STK32A: variants seen among roughly 807,000 people sequenced by gnomAD.
STK32A encodes serine/threonine-protein kinase 32A.
A neutral mutation model predicts 53.2 loss-of-function variants in STK32A; 41 were observed. The ratio of observed to expected loss-of-function variants is 0.77; its 90% CI spans 0.60 to 1.00. The LOEUF is 1.00. STK32A is among the 50% of genes least tolerant of loss of function. STK32A has a pLI of 0.00. For synonymous variants in STK32A, 166 were observed against 162.8 expected (o/e 1.02, Z -0.15); for missense variants, 458 against 485.8 (o/e 0.94, Z 0.54).
At chr5:147,342,363 TA>T (rs1468620306) in intron 5 of STK32A, 1 of 152,484 alleles carries the variant, frequency 6.6e-6, no homozygotes, top group Non-Finnish European at 1.5e-5. Flanking sequence ...TATATGGGAT[TA>T]GGGGGGATTT....
chr5:147,306,869 C>T (rs1285607797), intron 4 of STK32A, among the ~76,000 whole-genome samples: 1 of 151,932 alleles, frequency 6.6e-6, no homozygotes, highest in African/African-American at 2.4e-5. Flanking sequence ...AGAAAAAGTA[C>T]ATATAACTAT....
chr5:147,329,741 AG>A (rs1754772519), intron 5 of STK32A, among the ~76,000 whole-genome samples: 1 of 152,222 alleles, frequency 6.6e-6, no homozygotes, highest in Non-Finnish European at 1.5e-5. Context: ...CTATATAAAA[AG>A]CTGTCTCCCC....
chr5:147,372,025 T>A (rs1313733186), intron 9 of STK32A, among the ~76,000 whole-genome samples: 1 of 152,150 alleles, frequency 6.6e-6, no homozygotes, highest in Non-Finnish European at 1.5e-5. Flanking sequence ...ATTTTCTTCT[T>A]AGCTTCATGA....
intron 4 of STK32A, among the ~76,000 whole-genome samples, chr5:147,292,228 T>C (rs533951623): frequency 2.0e-5 from 3 of 152,204 alleles, no homozygotes; most frequent in African/African-American, 4.8e-5. Flanking sequence ...CTTCAATTCA[T>C]CAAAGCAGTT....
chr5:147,281,890 T>C (rs184725894), intron 4 of STK32A, among the ~76,000 whole-genome samples: 336 of 152,248 alleles, frequency 2.2e-3, no homozygotes, highest in Non-Finnish European at 3.7e-3. Context: ...GGAAAACCTA[T>C]TAGATTAACA....
chr5:147,240,380 CCCAGGTAGTAAGTTGTCCAGACCTCTG>C (rs1271610227), intron 2 of STK32A, among the ~76,000 whole-genome samples: 1 of 152,090 alleles, frequency 6.6e-6, no homozygotes, highest in Non-Finnish European at 1.5e-5. Context: ...TGCCCCAAGC[CCCAGGTAGTAAGTTGTCCAGACCTCTG>C]AGAGGGAGCT....
chr5:147,276,200 G>A (rs1431394992), intron 2 of STK32A, among the ~76,000 whole-genome samples: 1 of 152,076 alleles, frequency 6.6e-6, no homozygotes, highest in Non-Finnish European at 1.5e-5. Flanking sequence ...AAAACTTACT[G>A]AAGTGTTTTT....
intron 11 of STK32A, among the ~76,000 whole-genome samples, chr5:147,382,441 G>C (rs556097097): frequency 1.3e-5 from 2 of 151,744 alleles, no homozygotes. Context: ...TTAAGGGATA[G>C]GTTTTTTGGT....
chr5:147,391,893 C>A (rs966598861), downstream of STK32A: 1 of 152,132 alleles, frequency 6.6e-6, no homozygotes, highest in African/African-American at 2.4e-5. Flanking sequence ...AAGGGCAGTG[C>A]GGATGACCGA....
At chr5:147,315,601 G>A (rs1024190809) in intron 4 of STK32A, among the ~76,000 whole-genome samples, 2 of 152,208 alleles carry the variant, frequency 1.3e-5, no homozygotes, top group Admixed American at 1.3e-4. Context: ...TATTAAATGG[G>A]TATAGAGTTT....
Position 147,368,842 on chromosome 5 carries a change from A to G in STK32A, c.661-1812A>G, listed in dbSNP as rs149516541. ...GCTTGTGGCATTCATCAGTTAATTC[A>G]TTTGTTTATAAAATCATTTTATTTT... is the stretch of plus-strand genomic sequence containing the variant. On this transcript the variant is annotated intron_variant, in intron 8 of 12. Transcript: ENST00000397936. Among the ~76,000 whole-genome samples, 206 of 152,306 alleles carry G rather than the reference A, an allele frequency of 1.4e-3. 1 individual carries two copies. In the Middle Eastern group the frequency reaches 0.017, roughly 13 times the overall value.
intron 2 of STK32A, among the ~76,000 whole-genome samples, chr5:147,244,512 G>C (rs2151939559): frequency 6.6e-6 from 1 of 152,280 alleles, no homozygotes. Context: ...TGGCATGATG[G>C]GCTAGAGTAT....
At chr5:147,338,856 G>A (rs1204590637) in intron 5 of STK32A, among the ~76,000 whole-genome samples, 1 of 152,168 alleles carries the variant, frequency 6.6e-6, no homozygotes, top group Non-Finnish European at 1.5e-5. Flanking sequence ...GCATTCAAGA[G>A]GTGACGTGGG....
At chr5:147,379,181 G>A (rs1757354636) in intron 11 of STK32A, among the ~76,000 whole-genome samples, 1 of 151,528 alleles carries the variant, frequency 6.6e-6, no homozygotes, top group Non-Finnish European at 1.5e-5. Context: ...TTGTTTTGTA[G>A]CAGTTGTGAA....
At chr5:147,393,809 G>A in the STK32A span, 2 of 554,412 alleles carry the variant, frequency 3.6e-6, no homozygotes, top group Admixed American at 6.2e-5. Flanking sequence ...ATGTAAATGG[G>A]GGGAGGGGAG....
intron 4 of STK32A, among the ~76,000 whole-genome samples, chr5:147,304,436 G>A (rs908193877): frequency 6.6e-5 from 10 of 152,168 alleles, no homozygotes; most frequent in Non-Finnish European, 1.5e-4. Context: ...TTCAGATAGA[G>A]CTCTTGAATA....
intron 1 of STK32A, among the ~76,000 whole-genome samples, chr5:147,235,492 C>T (rs1046506108): frequency 6.6e-6 from 1 of 152,196 alleles, no homozygotes; most frequent in Admixed American, 6.5e-5. Flanking sequence ...CAAGCAAAAC[C>T]TAGCTGCCTT....
the STK32A span, chr5:147,394,140 A>G: frequency 6.2e-7 from 1 of 1,612,200 alleles, no homozygotes; most frequent in South Asian, 1.1e-5. Context: ...TTGGAAATAA[A>G]TTCCCAGGGG....
intron 2 of STK32A, among the ~76,000 whole-genome samples, chr5:147,263,733 A>G (rs12187523): frequency 0.3 from 44,942 of 151,800 alleles, 7,004 homozygotes; most frequent in African/African-American, 0.36. Context: ...GCCAGGTGAG[A>G]AGTTCTAGTT....
Sources: allele counts gnomAD v4.1 joint callset (sites outside exome capture counted in the v4.1 genomes callset), GRCh38; gene constraint gnomAD v4.1.1; transcripts MANE v1.5; gene names NCBI Gene and HGNC (gene_info 2026-07-23, HGNC 2026-07-21).